ZNF385B: variants seen among roughly 807,000 people sequenced by gnomAD.
ZNF385B encodes the protein zinc finger protein 533.
A neutral mutation model predicts 39.2 loss-of-function variants in ZNF385B; 23 were observed. The ratio of observed to expected loss-of-function variants is 0.59; its 90% CI spans 0.42 to 0.83. ZNF385B has a LOEUF of 0.83. ZNF385B is among the 40% of genes least tolerant of loss of function. The pLI is 0.00. For synonymous variants in ZNF385B, 205 were observed against 222.6 expected (o/e 0.92, Z 0.70); for missense variants, 552 against 598.9 (o/e 0.92, Z 0.82).
At position 179,493,767 on chromosome 2, in the gene ZNF385B, A is replaced by ATG. The variant is rs1559338089; in HGVS notation, c.553-10334_553-10333insCA. On this transcript the variant is annotated intron_variant, in intron 5 of 9. Coordinates refer to ENST00000410066, the MANE Select transcript of ZNF385B (RefSeq NM_152520.6). ...CATATGTGTATATACATATATGTAT[A>ATG]CATATATGTATATACACATATGTAT... 6.6e-4 allele frequency among the ~76,000 whole-genome samples: 59 copies of ATG among 89,118 alleles called. 4 individuals are homozygous for ATG. The highest frequency in any genetic ancestry group is 1.7e-3 in the East Asian group (7 of 4,146). The allele number at this position is 89,118 out of a possible 152,430, so 58.5% of individuals were successfully genotyped here.
intron 1 of ZNF385B, among the ~76,000 whole-genome samples, chr2:179,801,904 T>C (rs1245968546): frequency 6.6e-6 from 1 of 152,130 alleles, no homozygotes; most frequent in Admixed American, 6.6e-5. Flanking sequence ...AAGTAAGAAA[T>C]TGCTATGAAA....
chr2:179,512,301 T>C (rs2057745691), intron 5 of ZNF385B, among the ~76,000 whole-genome samples: 1 of 152,194 alleles, frequency 6.6e-6, no homozygotes, highest in Non-Finnish European at 1.5e-5. Context: ...AGTTGCCCTG[T>C]TTTGTGTAAG....
intron 1 of ZNF385B, among the ~76,000 whole-genome samples, chr2:179,811,728 T>C (rs553009083): frequency 1.1e-3 from 162 of 152,180 alleles, no homozygotes; most frequent in African/African-American, 3.6e-3. Context: ...ATCCTGGACA[T>C]TGGCCTTGGG....
chr2:179,635,495 C>T (rs1691676038), intron 3 of ZNF385B, among the ~76,000 whole-genome samples: 1 of 151,882 alleles, frequency 6.6e-6, no homozygotes. Flanking sequence ...ATCAAACCTG[C>T]ATGTTATGCA....
chr2:179,651,469 A>C (rs1388835154), intron 3 of ZNF385B, among the ~76,000 whole-genome samples: 1 of 152,166 alleles, frequency 6.6e-6, no homozygotes, highest in African/African-American at 2.4e-5. Context: ...CCTTCACTGG[A>C]AAAGCTGTCT....
chr2:179,707,252 C>T (rs1211871958), intron 3 of ZNF385B, among the ~76,000 whole-genome samples: 3 of 152,184 alleles, frequency 2.0e-5, no homozygotes, highest in Non-Finnish European at 4.4e-5. Context: ...ATTGTGGTGG[C>T]TTCTCCATCT....
intron 3 of ZNF385B, among the ~76,000 whole-genome samples, chr2:179,724,262 T>C (rs1388488505): frequency 2.6e-5 from 4 of 152,104 alleles, no homozygotes; most frequent in East Asian, 1.9e-4. Context: ...TGAGCCAAGA[T>C]TGCGCCACTG....
rs1574264026 is a variant in ZNF385B at position 179,463,089 on chromosome 2, T to C, written c.716-16319A>G. Among the ~76,000 whole-genome samples, 3 of 152,182 alleles carry C rather than the reference T, an allele frequency of 2.0e-5. No individual in the cohort carries two copies. The East Asian group carries it at 5.8e-4, about 29-fold the overall frequency. On this transcript the variant is annotated intron_variant, in intron 6 of 9. Transcript: ENST00000410066. ...AGGGAGAAATGATTATATAAAGACA[T>C]GATTATATAAAATGATTATATATAC...
chr2:179,816,422 A>T (rs1309739333), intron 1 of ZNF385B, among the ~76,000 whole-genome samples: 1 of 152,148 alleles, frequency 6.6e-6, no homozygotes, highest in Non-Finnish European at 1.5e-5. Context: ...AATGGGAGTG[A>T]TTCCTTAAAA....
chr2:179,493,524 T>TACGG (rs1559334226), intron 5 of ZNF385B, among the ~76,000 whole-genome samples: 2 of 151,388 alleles, frequency 1.3e-5, no homozygotes, highest in Non-Finnish European at 3.0e-5. Flanking sequence ...TACATATGTG[T>TACGG]GTACATATAT....
Position 179,736,416 on chromosome 2 carries a change from T to C in ZNF385B, c.298+33087A>G, listed in dbSNP as rs1411526894. ...TGTTGTTGGTCCTCCCTCAACTCAT[T>C]GGACCATTAAGCTTTTACTATATGG... is the stretch of plus-strand genomic sequence containing the variant. On this transcript the variant is annotated intron_variant, in intron 3 of 9. Transcript: ENST00000410066. Among the ~76,000 whole-genome samples, 4 of 152,220 alleles carry C rather than the reference T, an allele frequency of 2.6e-5. No homozygotes were observed. The East Asian group carries it at 7.7e-4, about 29-fold the overall frequency.
intron 4 of ZNF385B, among the ~76,000 whole-genome samples, chr2:179,544,135 T>C (rs2060087002): frequency 6.6e-6 from 1 of 152,190 alleles, no homozygotes; most frequent in African/African-American, 2.4e-5. Context: ...TAAATTATAT[T>C]GTTGAAAGAT....
intron 6 of ZNF385B, among the ~76,000 whole-genome samples, chr2:179,452,825 C>T (rs969767096): frequency 6.6e-5 from 10 of 152,068 alleles, no homozygotes; most frequent in South Asian, 4.1e-4. Context: ...CCAGAAGACA[C>T]GTTAAGCTTT....
Position 179,819,034 on chromosome 2 carries a change from TACACACACACACAC to T in ZNF385B, c.-155+42053_-155+42066del, listed in dbSNP as rs10556902. On this transcript the variant is annotated intron_variant, in intron 1 of 9. Coordinates refer to ENST00000410066, the MANE Select transcript of ZNF385B (RefSeq NM_152520.6). ...GTATAAATATGTGCATGTTTATAAA[TACACACACACACAC>T]ACACACACACACACACACACACACA... Among the ~76,000 whole-genome samples the T allele has an allele frequency of 2.6e-3, 391 of 148,192 alleles. 2 individuals carry two copies. The highest frequency in any genetic ancestry group is 7.0e-3 in the African/African-American group (281 of 40,084).
At chr2:179,588,867 C>T (rs1282710116) in intron 3 of ZNF385B, among the ~76,000 whole-genome samples, 1 of 152,136 alleles carries the variant, frequency 6.6e-6, no homozygotes, top group African/African-American at 2.4e-5. Flanking sequence ...AGCGGCTATA[C>T]ACAGAAGGCA....
chr2:179,764,723 C>T (rs1176341334), intron 3 of ZNF385B, among the ~76,000 whole-genome samples: 1 of 152,096 alleles, frequency 6.6e-6, no homozygotes, highest in Non-Finnish European at 1.5e-5. Context: ...CTGTTTTTAG[C>T]ATCAGATGAT....
chr2:179,612,276 G>A (rs1115013), intron 3 of ZNF385B, among the ~76,000 whole-genome samples: 7 of 151,774 alleles, frequency 4.6e-5, no homozygotes, highest in South Asian at 2.1e-4. Context: ...GCCTTAATGC[G>A]TGTGGATGTT....
At position 179,677,104 on chromosome 2, in the gene ZNF385B, G is replaced by T. The variant is rs999700869; in HGVS notation, c.298+92399C>A. Reference sequence around the variant, plus strand: ...TATAGCTATAAAAATGCTTAGAAGGGCTGGGAGCTTCAAACTGCATTCCCA... The same window carrying T: ...TATAGCTATAAAAATGCTTAGAAGGTCTGGGAGCTTCAAACTGCATTCCCA... On this transcript the variant is annotated intron_variant, in intron 3 of 9. Coordinates refer to ENST00000410066, the MANE Select transcript of ZNF385B (RefSeq NM_152520.6). 2.0e-4 allele frequency among the ~76,000 whole-genome samples: 30 copies of T among 152,282 alleles called. 1 individual carries two copies. Among genetic ancestry groups the T allele is most frequent in the African/African-American group, 7.0e-4 (29 of 41,546 alleles).
At chr2:179,666,526 CAG>C (rs1695178946) in intron 3 of ZNF385B, among the ~76,000 whole-genome samples, 2 of 152,134 alleles carry the variant, frequency 1.3e-5, no homozygotes, top group Admixed American at 6.5e-5. Flanking sequence ...ATTTAACAAA[CAG>C]ATGTTTCAAA....
Sources: allele counts gnomAD v4.1 joint callset (sites outside exome capture counted in the v4.1 genomes callset), GRCh38; gene constraint gnomAD v4.1.1; transcripts MANE v1.5; gene names NCBI Gene and HGNC (gene_info 2026-07-23, HGNC 2026-07-21).